Variants in PRR16 observed in about 807,000 individuals in gnomAD.
PRR16 encodes the protein proline rich 16.
In PRR16, 6 loss-of-function variants were observed where a neutral mutation model predicts 18.2. That is an observed-to-expected ratio of 0.33 (90% confidence interval 0.18 to 0.65). PRR16 has a LOEUF of 0.65. PRR16 is among the 30% of genes least tolerant of loss of function. The pLI is 0.74. For synonymous variants in PRR16, 151 were observed against 147.8 expected, an observed-to-expected ratio of 1.02 and a Z score of -0.16; for missense variants, 412 against 376.6, an observed-to-expected ratio of 1.09 and a Z score of -0.78.
chr5:120,793,987 A>G, the PRR16 span, among the ~76,000 whole-genome samples: 2 of 152,150 alleles, frequency 1.3e-5, no homozygotes. Context: ...CCACCATTGT[A>G]TAATATACGT....
the PRR16 span, among the ~76,000 whole-genome samples, chr5:120,776,273 G>A: frequency 2.0e-5 from 3 of 152,174 alleles, no homozygotes; most frequent in East Asian, 3.9e-4. Flanking sequence ...TCCCCAAAGT[G>A]GAGTTCATCA....
At chr5:120,519,277 C>A (rs1271467977) in intron 1 of PRR16, among the ~76,000 whole-genome samples, 1 of 151,972 alleles carries the variant, frequency 6.6e-6, no homozygotes, top group African/African-American at 2.4e-5. Flanking sequence ...GTATCAGTTA[C>A]AATTTATCAT....
chr5:120,470,336 A>T (rs1749228572), intron 1 of PRR16, among the ~76,000 whole-genome samples: 1 of 152,140 alleles, frequency 6.6e-6, no homozygotes, highest in Non-Finnish European at 1.5e-5. Flanking sequence ...AATATTATAG[A>T]AAGTTTGCAA....
the PRR16 span, among the ~76,000 whole-genome samples, chr5:120,775,796 A>ATTTTTTTTTTTTT: frequency 3.7e-4 from 30 of 80,602 alleles, no homozygotes; most frequent in Non-Finnish European, 5.9e-4. Flanking sequence ...ACGCCTGGCT[A>ATTTTTTTTTTTTT]TTTTTTTTTT....
intron 1 of PRR16, among the ~76,000 whole-genome samples, chr5:120,651,823 G>A (rs975545297): frequency 6.6e-6 from 1 of 151,902 alleles, no homozygotes; most frequent in African/African-American, 2.4e-5. Flanking sequence ...CTCTTTTTTG[G>A]TTCCATATGA....
chr5:120,758,910 T>C, the PRR16 span, among the ~76,000 whole-genome samples: 1 of 152,122 alleles, frequency 6.6e-6, no homozygotes, highest in Non-Finnish European at 1.5e-5. Context: ...TTGAACATTC[T>C]TGCTGATACA....
the PRR16 span, among the ~76,000 whole-genome samples, chr5:120,739,500 T>TA: frequency 6.6e-6 from 1 of 152,148 alleles, no homozygotes; most frequent in African/African-American, 2.4e-5. Flanking sequence ...GCTGTGCATA[T>TA]AAAAATCAGT....
chr5:120,519,885 A>C (rs995394508), intron 1 of PRR16, among the ~76,000 whole-genome samples: 1 of 152,148 alleles, frequency 6.6e-6, no homozygotes, highest in Non-Finnish European at 1.5e-5. Flanking sequence ...CTCATTTTTA[A>C]AAAACACTTC....
downstream of PRR16, among the ~76,000 whole-genome samples, chr5:120,688,153 C>A (rs562809984): frequency 6.6e-6 from 1 of 152,168 alleles, no homozygotes; most frequent in East Asian, 1.9e-4. Flanking sequence ...CTGCCTTTTT[C>A]AAGCTAGATC....
chr5:120,734,014 A>G, the PRR16 span, among the ~76,000 whole-genome samples: 1 of 152,196 alleles, frequency 6.6e-6, no homozygotes, highest in Admixed American at 6.5e-5. Context: ...CTACTTATTC[A>G]TTAATACAAC....
chr5:120,732,820 A>C, the PRR16 span, among the ~76,000 whole-genome samples: 1 of 152,146 alleles, frequency 6.6e-6, no homozygotes, highest in East Asian at 1.9e-4. Flanking sequence ...CAAAGGTGAA[A>C]ATTTTGTGTA....
intron 1 of PRR16, among the ~76,000 whole-genome samples, chr5:120,591,430 G>C (rs2168216): frequency 0.79 from 120,352 of 151,714 alleles, 48,132 homozygotes; most frequent in East Asian, 0.91. Flanking sequence ...ATATTAGAGA[G>C]TATATAAATG....
chr5:120,667,503 A>T (rs1286274822), intron 1 of PRR16, among the ~76,000 whole-genome samples: 2 of 150,886 alleles, frequency 1.3e-5, no homozygotes, highest in Admixed American at 1.3e-4. Context: ...CTAGCTTTTG[A>T]ATGTGTTTGC....
At chr5:120,623,626 G>A (rs1326554443) in intron 1 of PRR16, among the ~76,000 whole-genome samples, 5 of 151,966 alleles carry the variant, frequency 3.3e-5, no homozygotes, top group African/African-American at 1.2e-4. Flanking sequence ...CCTTACCCAT[G>A]TTATCATATA....
chr5:120,466,386 C>T (rs1185892259), intron 1 of PRR16, among the ~76,000 whole-genome samples: 1 of 152,066 alleles, frequency 6.6e-6, no homozygotes, highest in Non-Finnish European at 1.5e-5. Context: ...AAACCTACAG[C>T]GGCACAGAAA....
At chr5:120,650,485 C>G (rs1189694011) in intron 1 of PRR16, among the ~76,000 whole-genome samples, 4 of 145,110 alleles carry the variant, frequency 2.8e-5, no homozygotes, top group Admixed American at 6.9e-5. Context: ...CCCCTCCCCC[C>G]ACTCCACAAC....
At chr5:120,579,345 G>T (rs985947751) in intron 1 of PRR16, among the ~76,000 whole-genome samples, 2 of 152,060 alleles carry the variant, frequency 1.3e-5, no homozygotes, top group Non-Finnish European at 2.9e-5. Context: ...GTCCTAAATG[G>T]TATTGCCTAG....
chr5:120,476,814 A>C (rs1278220401), intron 1 of PRR16, among the ~76,000 whole-genome samples: 1 of 152,156 alleles, frequency 6.6e-6, no homozygotes, highest in Non-Finnish European at 1.5e-5. Context: ...CAAAAATAAA[A>C]ATAAAAAATA....
intron 1 of PRR16, among the ~76,000 whole-genome samples, chr5:120,591,635 A>C (rs1753639034): frequency 6.6e-6 from 1 of 151,922 alleles, no homozygotes; most frequent in Non-Finnish European, 1.5e-5. Context: ...CATAATTCTT[A>C]TGTTAGTTTA....
Sources: gnomAD v4.1 joint callset for allele counts (sites outside exome capture counted in the v4.1 genomes callset) on GRCh38, gnomAD v4.1.1 for gene constraint, MANE v1.5 for transcripts, NCBI Gene and HGNC (gene_info 2026-07-23, HGNC 2026-07-21) for gene names.